The following SCD5 variants were observed in gnomAD, a reference collection of about 807,000 sequenced individuals.
SCD5 encodes acyl-CoA-desaturase 4.
In SCD5, 20 loss-of-function variants were observed where a neutral mutation model predicts 30.4. The observed-to-expected ratio is 0.66, with a 90% CI of 0.46 to 0.96. The LOEUF is 0.96. Ranked by LOEUF, SCD5 falls within the 40% of genes least tolerant of loss-of-function variation. The pLI, the probability that SCD5 is intolerant of heterozygous loss-of-function variation, is 0.00. For missense variants in SCD5, 381 were observed against 443.3 expected (o/e 0.86, Z 1.26); for synonymous variants, 173 against 176.4 (o/e 0.98, Z 0.16).
chr4:82,756,331 G>C (rs1321109361), intron 1 of SCD5, among the ~76,000 whole-genome samples: 1 of 152,182 alleles, frequency 6.6e-6, no homozygotes, highest in Non-Finnish European at 1.5e-5. Context: ...GCAGGCGCTG[G>C]AGTTAAACTA....
chr4:82,789,136 A>C (rs1578069230), intron 1 of SCD5, among the ~76,000 whole-genome samples: 2 of 152,172 alleles, frequency 1.3e-5, no homozygotes, highest in South Asian at 4.1e-4. Context: ...TGGATTCCCA[A>C]GGGCCATGCA....
chr4:82,667,636 G>A (rs184124011), intron 3 of SCD5, among the ~76,000 whole-genome samples: 41 of 152,258 alleles, frequency 2.7e-4, no homozygotes, highest in Non-Finnish European at 4.1e-4. Context: ...AAAAGGTATC[G>A]AATTAAACAC....
At chr4:82,762,393 C>T (rs1359029687) in intron 1 of SCD5, among the ~76,000 whole-genome samples, 2 of 152,042 alleles carry the variant, frequency 1.3e-5, no homozygotes, top group Non-Finnish European at 2.9e-5. Flanking sequence ...GGTGGGATTG[C>T]AGGCACACCC....
chr4:82,798,036 C>T (rs1722264792), intron 1 of SCD5, among the ~76,000 whole-genome samples: 1 of 136,596 alleles, frequency 7.3e-6, no homozygotes, highest in Admixed American at 7.2e-5. Flanking sequence ...GGCTCTCCAT[C>T]GGGAAGCCGG....
chr4:82,653,850 T>C (rs1727813030), intron 3 of SCD5, among the ~76,000 whole-genome samples: 1 of 152,060 alleles, frequency 6.6e-6, no homozygotes, highest in Non-Finnish European at 1.5e-5. Context: ...GGAAGACTGA[T>C]AAGAGTAGGT....
intron 1 of SCD5, among the ~76,000 whole-genome samples, chr4:82,797,046 C>T (rs1722240620): frequency 2.0e-5 from 3 of 152,160 alleles, no homozygotes; most frequent in African/African-American, 4.8e-5. Context: ...GAGCCACACC[C>T]CCTAAGAGGT....
intron 1 of SCD5, among the ~76,000 whole-genome samples, chr4:82,732,253 T>C (rs1311701976): frequency 6.6e-6 from 1 of 152,102 alleles, no homozygotes; most frequent in Non-Finnish European, 1.5e-5. Flanking sequence ...GCTACTCGTC[T>C]GGCTAATTTT....
intron 3 of SCD5, among the ~76,000 whole-genome samples, chr4:82,664,999 C>CTCTCTATATATATA (rs1219554314): frequency 4.5e-4 from 32 of 70,482 alleles, no homozygotes; most frequent in African/African-American, 9.0e-4. Flanking sequence ...CTCTCTCTCT[C>CTCTCTATATATATA]TATATATATA....
chr4:82,761,687 G>A (rs1030179598), intron 1 of SCD5, among the ~76,000 whole-genome samples: 3 of 151,694 alleles, frequency 2.0e-5, no homozygotes, highest in African/African-American at 4.9e-5. Context: ...CCACTAACTC[G>A]TCATCTAGCA....
At chr4:82,771,484 CTA>C (rs1721621128) in intron 1 of SCD5, among the ~76,000 whole-genome samples, 1 of 152,196 alleles carries the variant, frequency 6.6e-6, no homozygotes, top group Non-Finnish European at 1.5e-5. Context: ...GACGCTATGC[CTA>C]TGTTATCTTT....
intron 1 of SCD5, among the ~76,000 whole-genome samples, chr4:82,713,777 ATAT>A (rs1386290311): frequency 6.6e-6 from 1 of 152,196 alleles, no homozygotes; most frequent in African/African-American, 2.4e-5. Context: ...CCCAGCAACC[ATAT>A]TATATTTCCC....
chr4:82,700,777 A>T (rs1719812413), intron 2 of SCD5, among the ~76,000 whole-genome samples: 1 of 115,500 alleles, frequency 8.7e-6, no homozygotes, highest in African/African-American at 3.2e-5. Context: ...ACGGAGTGAG[A>T]CCCTGTCTCT....
rs555629828 is a variant in SCD5, at chr4:82,659,161, C to T, written c.569+21546G>A. Among the ~76,000 whole-genome samples the T allele has an allele frequency of 7.2e-5, 11 of 152,260 alleles. No individual in the cohort carries two copies. In the East Asian group the frequency reaches 2.1e-3, roughly 29 times the overall value. Reference sequence around the variant, plus strand: ...TATTCTCTGATGGTAGTTTGTATTTCTGTGGGATCAGTGGTGATATCCCCT... The same window carrying T: ...TATTCTCTGATGGTAGTTTGTATTTTTGTGGGATCAGTGGTGATATCCCCT... On this transcript the variant is annotated intron_variant, in intron 3 of 4. Transcript: ENST00000319540.
chr4:82,733,358 C>T (rs185829322), intron 1 of SCD5, among the ~76,000 whole-genome samples: 2 of 152,290 alleles, frequency 1.3e-5, no homozygotes, highest in Admixed American at 1.3e-4. Flanking sequence ...ACAGCCTGCA[C>T]TCTGGGCCAA....
At chr4:82,648,695 G>C (rs1727681274) in intron 3 of SCD5, among the ~76,000 whole-genome samples, 1 of 152,116 alleles carries the variant, frequency 6.6e-6, no homozygotes, top group South Asian at 2.1e-4. Context: ...TGTCATTTCT[G>C]TTTGTCAGTG....
chr4:82,798,058 C>T (rs1213830474), intron 1 of SCD5, among the ~76,000 whole-genome samples: 1 of 146,684 alleles, frequency 6.8e-6, no homozygotes, highest in Non-Finnish European at 1.5e-5. Context: ...AAATGCGCTT[C>T]CTCAGGCAGA....
At chr4:82,737,924 T>C (rs2148837855) in intron 1 of SCD5, among the ~76,000 whole-genome samples, 1 of 149,994 alleles carries the variant, frequency 6.7e-6, no homozygotes, top group East Asian at 2.0e-4. Flanking sequence ...TGAAACACTT[T>C]ACAGATTGGA....
At chr4:82,649,207 G>A (rs374525228) in intron 3 of SCD5, among the ~76,000 whole-genome samples, 1 of 151,404 alleles carries the variant, frequency 6.6e-6, no homozygotes, top group Non-Finnish European at 1.5e-5. Flanking sequence ...GTGTGTGTGT[G>A]TGTGTGTGTG....
intron 1 of SCD5, among the ~76,000 whole-genome samples, chr4:82,749,155 CAAA>C (rs1721050569): frequency 6.6e-6 from 1 of 152,122 alleles, no homozygotes; most frequent in South Asian, 2.1e-4. Flanking sequence ...ACTTCTGAGA[CAAA>C]GAATGATAAA....
Sources: gnomAD v4.1 joint callset for allele counts (sites outside exome capture counted in the v4.1 genomes callset) on GRCh38, gnomAD v4.1.1 for gene constraint, MANE v1.5 for transcripts, NCBI Gene and HGNC (gene_info 2026-07-23, HGNC 2026-07-21) for gene names.